NRXN1: variants seen among roughly 807,000 people sequenced by gnomAD.
NRXN1 encodes neurexin 1.
Under a neutral mutation model 150.9 loss-of-function variants are expected in NRXN1, and 39 were observed. The observed-to-expected ratio is 0.26, with a 90% CI of 0.20 to 0.34. The LOEUF (loss-of-function observed/expected upper bound fraction) is 0.34, where lower values mean the gene tolerates loss of function less well. Among genes scored for constraint, NRXN1 ranks in the 10% least tolerant of loss-of-function variants. The probability of loss-of-function intolerance (pLI) is 1.00; values close to 1 mark genes in which losing one functional copy is unlikely to be tolerated. For synonymous variants in NRXN1, 924 were observed against 757.0 expected (o/e 1.22, Z -3.62); for missense variants, 1,815 against 1,949.9 (o/e 0.93, Z 1.30).
At chr2:50,814,628 T>C (rs1183988976) in intron 5 of NRXN1, among the ~76,000 whole-genome samples, 3 of 152,092 alleles carry the variant, frequency 2.0e-5, no homozygotes, top group Admixed American at 1.3e-4. Context: ...AACACACTAA[T>C]TGGATAAAAT....
intron 8 of NRXN1, among the ~76,000 whole-genome samples, chr2:50,582,508 T>C (rs894244485): frequency 1.4e-5 from 2 of 138,522 alleles, no homozygotes; most frequent in African/African-American, 2.8e-5. Flanking sequence ...AAAAAAATTA[T>C]TTACCAGGTG....
intron 5 of NRXN1, among the ~76,000 whole-genome samples, chr2:50,843,629 C>G (rs72889489): frequency 0.089 from 13,493 of 152,166 alleles, 702 homozygotes; most frequent in African/African-American, 0.089. Context: ...CCAGTGAGAA[C>G]TGAAACTACC....
intron 5 of NRXN1, among the ~76,000 whole-genome samples, chr2:50,898,004 T>C (rs940009532): frequency 9.9e-5 from 15 of 152,174 alleles, no homozygotes; most frequent in African/African-American, 3.6e-4. Flanking sequence ...TAGTTTGAAC[T>C]AGAAAATTAC....
intron 21 of NRXN1, among the ~76,000 whole-genome samples, chr2:50,025,579 T>C (rs547502914): frequency 2.6e-5 from 4 of 152,302 alleles, no homozygotes; most frequent in Middle Eastern, 3.4e-3. Flanking sequence ...CCAGAGCGTA[T>C]GTAAGAAAAA....
chr2:50,652,220 T>C (rs1685744983), intron 5 of NRXN1, among the ~76,000 whole-genome samples: 1 of 152,088 alleles, frequency 6.6e-6, no homozygotes, highest in East Asian at 1.9e-4. Context: ...ATCCTCCTCC[T>C]TTATATCTTT....
intron 5 of NRXN1, among the ~76,000 whole-genome samples, chr2:50,786,673 T>C (rs1036248620): frequency 2.0e-5 from 3 of 152,174 alleles, no homozygotes; most frequent in Non-Finnish European, 1.5e-5. Flanking sequence ...TGTGTCTGTG[T>C]GTGACACAGA....
chr2:50,828,473 G>T (rs1161020239), intron 5 of NRXN1, among the ~76,000 whole-genome samples: 3 of 151,262 alleles, frequency 2.0e-5, no homozygotes, highest in Admixed American at 6.6e-5. Context: ...CTTCTCAGAC[G>T]GGGCGGTTGC....
intron 17 of NRXN1, among the ~76,000 whole-genome samples, chr2:50,284,222 G>C (rs187473841): frequency 6.6e-6 from 1 of 152,276 alleles, no homozygotes; most frequent in East Asian, 1.9e-4. Context: ...TAACATTTCA[G>C]TTCCTTAAAA....
In NRXN1 at chr2:50,005,667, G is replaced by C. The variant is rs114494619; in HGVS notation, c.4128+47604C>G. 9.7e-3 allele frequency among the ~76,000 whole-genome samples: 1,479 copies of C among 152,052 alleles called. 21 individuals carry two copies. Among genetic ancestry groups the C allele is most frequent in the African/African-American group, 0.034 (1,400 of 41,500 alleles). On this transcript the variant is annotated intron_variant, in intron 21 of 22. Coordinates refer to ENST00000401669, the MANE Select transcript of NRXN1 (RefSeq NM_001330078.2). ...CTCTTCCAGAGCTTCCCATTACCTA[G>C]AGAATTAGTCTAACCTCTTTTATAG...
At chr2:50,321,582 G>A (rs534879538) in intron 17 of NRXN1, among the ~76,000 whole-genome samples, 2 of 152,058 alleles carry the variant, frequency 1.3e-5, no homozygotes, top group African/African-American at 2.4e-5. Flanking sequence ...TTTTTCCTAA[G>A]TAGCAGTACT....
chr2:50,090,111 A>T (rs1176818937), intron 19 of NRXN1, among the ~76,000 whole-genome samples: 1 of 152,184 alleles, frequency 6.6e-6, no homozygotes. Context: ...TTTTTATTAC[A>T]TTTAATTCAG....
chr2:50,822,419 A>G (rs1309148956), intron 5 of NRXN1, among the ~76,000 whole-genome samples: 3 of 152,170 alleles, frequency 2.0e-5, no homozygotes, highest in Non-Finnish European at 4.4e-5. Flanking sequence ...TGAACAACAA[A>G]TAAGGAAAGT....
chr2:50,035,391 G>A (rs1320032726), intron 21 of NRXN1, among the ~76,000 whole-genome samples: 1 of 151,930 alleles, frequency 6.6e-6, no homozygotes, highest in Admixed American at 6.6e-5. Context: ...GTCTTAAAAT[G>A]TTTTTAGATT....
chr2:50,129,203 A>ATTT (rs79880813), intron 18 of NRXN1, among the ~76,000 whole-genome samples: 2 of 151,016 alleles, frequency 1.3e-5, no homozygotes, highest in East Asian at 3.9e-4. Context: ...CTACTAAAGC[A>ATTT]TTTTTTTTTA....
chr2:51,013,105 G>A (rs1219362531), intron 2 of NRXN1, among the ~76,000 whole-genome samples: 1 of 152,044 alleles, frequency 6.6e-6, no homozygotes, highest in Admixed American at 6.6e-5. Flanking sequence ...AGTCAGTACT[G>A]GGAGGATACC....
chr2:50,567,449 T>G (rs1670044118), intron 8 of NRXN1, among the ~76,000 whole-genome samples: 1 of 152,150 alleles, frequency 6.6e-6, no homozygotes, highest in Non-Finnish European at 1.5e-5. Flanking sequence ...AGATACTCAC[T>G]TTGGAACAAA....
intron 17 of NRXN1, among the ~76,000 whole-genome samples, chr2:50,433,918 G>C (rs1018936883): frequency 6.6e-6 from 1 of 151,838 alleles, no homozygotes; most frequent in Non-Finnish European, 1.5e-5. Context: ...CCTGCTAATT[G>C]AAGTAGCAAC....
At chr2:50,921,615 A>C (rs182574446) in intron 5 of NRXN1, among the ~76,000 whole-genome samples, 95 of 151,932 alleles carry the variant, frequency 6.3e-4, no homozygotes, top group Non-Finnish European at 7.1e-4. Context: ...ACTTGTAGCT[A>C]ATTTCTAAAT....
At chr2:51,022,712 C>A (rs993597594) in intron 2 of NRXN1, among the ~76,000 whole-genome samples, 17 of 152,130 alleles carry the variant, frequency 1.1e-4, no homozygotes, top group African/African-American at 3.6e-4. Flanking sequence ...TAACCACTAT[C>A]TACTTATATA....
Sources: allele counts gnomAD v4.1 joint callset (sites outside exome capture counted in the v4.1 genomes callset), GRCh38; gene constraint gnomAD v4.1.1; transcripts MANE v1.5; gene names NCBI Gene and HGNC (gene_info 2026-07-23, HGNC 2026-07-21).